The following PCDH11X variants were observed in gnomAD, a reference collection of about 807,000 sequenced individuals.
PCDH11X encodes protocadherin-11 X-linked.
Under a neutral mutation model 53.3 loss-of-function variants are expected in PCDH11X, and 18 were observed. The observed-to-expected ratio is 0.34, with a 90% CI of 0.23 to 0.50. PCDH11X has a LOEUF of 0.50. Ranked by LOEUF, PCDH11X falls within the 20% of genes least tolerant of loss-of-function variation. The pLI, the probability that PCDH11X is intolerant of heterozygous loss-of-function variation, is 0.98. For missense variants in PCDH11X, 570 were observed against 1,032.4 expected (o/e 0.55, Z 6.14); for synonymous variants, 279 against 393.3 (o/e 0.71, Z 3.44).
chrX:92,262,117 C>A (rs2067728644), intron 7 of PCDH11X, among the ~76,000 whole-genome samples: 1 of 109,360 alleles, frequency 9.1e-6, no homozygotes, highest in African/African-American at 3.3e-5. Flanking sequence ...CTTTCTTGGT[C>A]TGGGAATAAG....
intron 8 of PCDH11X, among the ~76,000 whole-genome samples, chrX:92,352,419 G>T (rs1174086076): frequency 1.8e-5 from 2 of 111,075 alleles, no homozygotes. Flanking sequence ...TCCATAAATT[G>T]GACTTCACCT....
chrX:91,974,296 T>G (rs2147915032), intron 6 of PCDH11X, among the ~76,000 whole-genome samples: 1 of 110,082 alleles, frequency 9.1e-6, no homozygotes, highest in South Asian at 3.9e-4. Context: ...TTGTGTTAAG[T>G]GACAGTGAGT....
chrX:91,875,526 C>T (rs1276607526), intron 5 of PCDH11X, among the ~76,000 whole-genome samples: 1 of 108,581 alleles, frequency 9.2e-6, no homozygotes, highest in Non-Finnish European at 1.9e-5. Context: ...CTCCTGACCT[C>T]GTGATCCGCC....
chrX:92,071,882 C>T (rs1054036685), intron 6 of PCDH11X, among the ~76,000 whole-genome samples: 1 of 112,070 alleles, frequency 8.9e-6, no homozygotes, highest in African/African-American at 3.2e-5. Context: ...CTGAAGCCAG[C>T]GCAGTTCTGG....
chrX:92,094,881 A>T (rs2064109919), intron 6 of PCDH11X, among the ~76,000 whole-genome samples: 1 of 112,036 alleles, frequency 8.9e-6, no homozygotes, highest in African/African-American at 3.2e-5. Flanking sequence ...AAACATTAAC[A>T]TTCCTCTTTA....
At chrX:92,310,229 G>C (rs1465547732) in intron 8 of PCDH11X, among the ~76,000 whole-genome samples, 1 of 112,012 alleles carries the variant, frequency 8.9e-6, no homozygotes, top group Non-Finnish European at 1.9e-5. Flanking sequence ...TTGAAATGCA[G>C]ACCAGTAAAG....
chrX:92,387,127 T>A (rs1280034306), intron 8 of PCDH11X, among the ~76,000 whole-genome samples: 2 of 108,058 alleles, frequency 1.9e-5, no homozygotes, highest in Non-Finnish European at 3.8e-5. Context: ...ATAACTATAA[T>A]TTGTTTTCAT....
At chrX:91,793,557 G>T (rs1056229131) in intron 1 of PCDH11X, among the ~76,000 whole-genome samples, 3 of 110,892 alleles carry the variant, frequency 2.7e-5, no homozygotes, top group African/African-American at 9.8e-5. Flanking sequence ...GATTGAACAA[G>T]AAAGGAATAC....
At chrX:91,903,992 T>A (rs1251073325) in intron 6 of PCDH11X, among the ~76,000 whole-genome samples, 2 of 109,295 alleles carry the variant, frequency 1.8e-5, no homozygotes, top group African/African-American at 6.7e-5. Context: ...TGAACTAAGA[T>A]AATCAGGAGT....
chrX:91,863,753 T>C (rs1173016855), intron 5 of PCDH11X, among the ~76,000 whole-genome samples: 2 of 111,568 alleles, frequency 1.8e-5, no homozygotes, highest in Admixed American at 1.9e-4. Flanking sequence ...TTGTCATTTT[T>C]TGTGTTTTCA....
chrX:92,210,416 T>G (rs1603183557), intron 7 of PCDH11X, among the ~76,000 whole-genome samples: 1 of 107,947 alleles, frequency 9.3e-6, no homozygotes. Context: ...TTTTTTTGTA[T>G]TTTTAATAGA....
In PCDH11X at chrX:92,348,223, G is replaced by C. The variant is rs370982741; in HGVS notation, c.3145-39512G>C. Among the ~76,000 whole-genome samples the C allele has an allele frequency of 2.8e-3, 316 of 111,312 alleles. 6 individuals carry two copies. In the East Asian group the frequency reaches 0.054, roughly 19 times the overall value. ...TGAGGACGTCTGTTGGTGAAGTTCT[G>C]GACTACTAGCAACCAATGATCCAGC... On this transcript the variant is annotated intron_variant, in intron 8 of 10. Coordinates refer to ENST00000682573, the MANE Select transcript of PCDH11X (RefSeq NM_032968.5).
intron 6 of PCDH11X, among the ~76,000 whole-genome samples, chrX:92,122,644 T>C (rs2064791242): frequency 8.9e-6 from 1 of 111,769 alleles, no homozygotes; most frequent in South Asian, 3.7e-4. Context: ...AAGAAAATCG[T>C]AATCTGGGCC....
chrX:92,461,735 T>G (rs1229124920), intron 9 of PCDH11X, among the ~76,000 whole-genome samples: 1 of 110,903 alleles, frequency 9.0e-6, no homozygotes, highest in Non-Finnish European at 1.9e-5. Context: ...AAAAAGTTTC[T>G]GCACAGCAAA....
intron 7 of PCDH11X, among the ~76,000 whole-genome samples, chrX:92,245,427 G>A: frequency 8.9e-6 from 1 of 112,324 alleles, no homozygotes; most frequent in African/African-American, 3.2e-5. Context: ...TATTCTGAGA[G>A]ACAAAATTAT....
At chrX:92,316,762 C>T (rs1055486490) in intron 8 of PCDH11X, among the ~76,000 whole-genome samples, 15 of 111,135 alleles carry the variant, frequency 1.3e-4, no homozygotes, top group Non-Finnish European at 2.6e-4. Context: ...AGTGAATTTA[C>T]TTTGTATTTC....
At chrX:92,202,137 G>T (rs774061567) in intron 7 of PCDH11X, among the ~76,000 whole-genome samples, 22 of 111,689 alleles carry the variant, frequency 2.0e-4, no homozygotes, top group African/African-American at 6.5e-4. Context: ...TGATTCCAAG[G>T]TTTGTGTGTC....
intron 6 of PCDH11X, among the ~76,000 whole-genome samples, chrX:91,900,284 TTGTTGTGTC>T (rs1306321692): frequency 9.1e-6 from 1 of 110,487 alleles, no homozygotes; most frequent in African/African-American, 3.3e-5. Flanking sequence ...AATGGAATTG[TTGTTGTGTC>T]TCGTGGTGGC....
At chrX:92,118,235 G>GT (rs1467089915) in intron 6 of PCDH11X, among the ~76,000 whole-genome samples, 1 of 109,865 alleles carries the variant, frequency 9.1e-6, no homozygotes, top group Non-Finnish European at 1.9e-5. Flanking sequence ...TGCAGTTTTG[G>GT]TTTTCCCTTC....
Sources: gnomAD v4.1 joint callset for allele counts (sites outside exome capture counted in the v4.1 genomes callset) on GRCh38, gnomAD v4.1.1 for gene constraint, MANE v1.5 for transcripts, NCBI Gene and HGNC (gene_info 2026-07-23, HGNC 2026-07-21) for gene names.